Variants in USP34 observed in about 807,000 individuals in gnomAD.
USP34 encodes the protein ubiquitin carboxyl-terminal hydrolase 34.
In USP34, 70 loss-of-function variants were observed where a neutral mutation model predicts 460.3. The ratio of observed to expected loss-of-function variants is 0.15; its 90% CI spans 0.13 to 0.19. USP34 has a LOEUF of 0.19. USP34 is among the 10% of genes least tolerant of loss of function. The pLI, the probability that USP34 is intolerant of heterozygous loss-of-function variation, is 1.00. For missense variants in USP34, 3,985 were observed against 4,236.2 expected (o/e 0.94, Z 1.65); for synonymous variants, 1,647 against 1,405.3 (o/e 1.17, Z -3.85).
At position 61,300,969 on chromosome 2, in the gene USP34, C is replaced by A; in HGVS notation, c.4110G>T (p.Val1370=). ...TAGTCACCTCACTATCATCCACTGC[C>A]ACTTTTCCTGAGGGTGGTTTAAATG... ...LASFKPPSGK[V]AVDDSESLRC... The change falls in exon 29 of 80, where the codon GTG becomes GTT. Residue 1370 remains valine, a synonymous_variant. Transcript: ENST00000398571. 6.2e-7 allele frequency: 1 copy of A among 1,611,992 alleles called. No homozygotes were observed. Among genetic ancestry groups the A allele is most frequent in the Non-Finnish European group, 8.5e-7 (1 of 1,179,186 alleles).
chr2:61,384,487 T>C (rs1693077437), intron 5 of USP34, among the ~76,000 whole-genome samples: 1 of 151,888 alleles, frequency 6.6e-6, no homozygotes, highest in South Asian at 2.1e-4. Context: ...CTGGGCAACA[T>C]GGCTGAAACC....
intron 62 of USP34, among the ~76,000 whole-genome samples, chr2:61,226,611 T>G (rs998144719): frequency 1.3e-5 from 2 of 152,214 alleles, no homozygotes; most frequent in African/African-American, 4.8e-5. Flanking sequence ...GCTATATTCT[T>G]TTGAATGGAT....
chr2:61,470,698 G>A lies in USP34; in HGVS notation c.-6C>T. On this transcript the variant is annotated 5_prime_UTR_variant, in exon 1 of 80. Transcript: ENST00000398571. ...TCTGCGCAGTTCTCGCACATCGTTC[G>A]GCCGCCGCCCCCCCCCTCCCCCGCT... 1 of 1,591,164 alleles carries A rather than the reference G, an allele frequency of 6.3e-7. No homozygotes were observed. Among genetic ancestry groups the A allele is most frequent in the Non-Finnish European group, 8.6e-7 (1 of 1,169,232 alleles).
intron 38 of USP34, among the ~76,000 whole-genome samples, chr2:61,280,588 T>C (rs1190588734): frequency 6.6e-6 from 1 of 152,094 alleles, no homozygotes; most frequent in Admixed American, 6.5e-5. Flanking sequence ...TTAAAAAAGA[T>C]ATGAACAGGG....
At chr2:61,316,703 G>A (rs571650374) in intron 23 of USP34, among the ~76,000 whole-genome samples, 6 of 152,002 alleles carry the variant, frequency 3.9e-5, no homozygotes, top group Non-Finnish European at 7.4e-5. Context: ...CCGCCAACAT[G>A]GTGAAACCCC....
intron 27 of USP34, among the ~76,000 whole-genome samples, chr2:61,305,422 C>A (rs1383342169): frequency 6.6e-6 from 1 of 151,900 alleles, no homozygotes; most frequent in African/African-American, 2.4e-5. Context: ...TGATGAACAG[C>A]AAGCCCCGAA....
chr2:61,267,548 T>C (rs1218628712), intron 41 of USP34, among the ~76,000 whole-genome samples: 2 of 151,906 alleles, frequency 1.3e-5, no homozygotes, highest in Admixed American at 6.6e-5. Context: ...GTTCGAGCGA[T>C]TCTCCTGCCT....
At chr2:61,467,022 T>C (rs1406930188) in intron 1 of USP34, among the ~76,000 whole-genome samples, 1 of 152,260 alleles carries the variant, frequency 6.6e-6, no homozygotes, top group Non-Finnish European at 1.5e-5. Context: ...GACAGCAGTC[T>C]TGGCCAGGCG....
At chr2:61,403,378 A>T (rs1273158320) in intron 3 of USP34, among the ~76,000 whole-genome samples, 1 of 152,110 alleles carries the variant, frequency 6.6e-6, no homozygotes, top group Non-Finnish European at 1.5e-5. Flanking sequence ...ATTGGAAAAA[A>T]TTTCTGTGAA....
chr2:61,405,784 A>T lies in USP34; in HGVS notation c.476T>A (p.Leu159Gln). ...AATTTGAAAAATTTTTGCCACACAT[A>T]GTAAGAGTTTTTCCTTCTCATCTGT... ...WSTDEKEKLL[L>Q]CVAKIFQIQF... is the part of the protein sequence containing the mutation. Residue 159 changes from leucine to glutamine, a missense_variant, in exon 3 of 80, where the codon CTA (leucine) becomes CAA (glutamine). By Grantham distance (113) the Leu-to-Gln change is moderately radical. Coordinates refer to ENST00000398571, the MANE Select transcript of USP34 (RefSeq NM_014709.4). 1.2e-6 allele frequency: 2 copies of T among 1,608,672 alleles called. No homozygotes were observed. The highest frequency in any genetic ancestry group is 2.2e-5 in the South Asian group (2 of 89,702).
chr2:61,243,995 G>C (rs1285163572), intron 51 of USP34, among the ~76,000 whole-genome samples: 1 of 151,886 alleles, frequency 6.6e-6, no homozygotes, highest in Non-Finnish European at 1.5e-5. Context: ...CAAGTGGACT[G>C]CTTTTCTTTT....
intron 48 of USP34, among the ~76,000 whole-genome samples, chr2:61,249,547 T>A (rs149087425): frequency 1.1e-4 from 17 of 152,272 alleles, no homozygotes; most frequent in Non-Finnish European, 2.5e-4. Context: ...GAAGGGAGAC[T>A]ATAGAAGTAT....
At chr2:61,230,151 C>G (rs1687849676) in intron 58 of USP34, among the ~76,000 whole-genome samples, 1 of 152,100 alleles carries the variant, frequency 6.6e-6, no homozygotes, top group Admixed American at 6.5e-5. Flanking sequence ...AAATAAAAGA[C>G]AGTATCAGCT....
At chr2:61,240,855 T>G (rs938459879) in intron 53 of USP34, among the ~76,000 whole-genome samples, 1 of 152,186 alleles carries the variant, frequency 6.6e-6, no homozygotes, top group Non-Finnish European at 1.5e-5. Context: ...ATTATAGGCA[T>G]GAGCCACTGC....
intron 2 of USP34, among the ~76,000 whole-genome samples, chr2:61,413,984 T>A (rs1321177419): frequency 2.0e-5 from 3 of 148,772 alleles, no homozygotes. Flanking sequence ...AGAGGCCGAG[T>A]GAGTGGCTCA....
chr2:61,339,684 G>T lies in USP34; in HGVS notation c.2501-3C>A. Reference sequence around the variant, plus strand: ...TTGATGTTTATGAACTACAGGTCCTGAAGAGAAAAAAAAAAAAAAGACACA... The same window carrying T: ...TTGATGTTTATGAACTACAGGTCCTTAAGAGAAAAAAAAAAAAAAGACACA... On this transcript the variant is annotated splice_polypyrimidine_tract_variant and splice_region_variant and intron_variant, in intron 16 of 79. Transcript: ENST00000398571. 4.4e-6 allele frequency: 6 copies of T among 1,349,806 alleles called. No homozygotes were observed. Among genetic ancestry groups the T allele is most frequent in the African/African-American group, 1.5e-5 (1 of 64,942 alleles). 83.6% of individuals were successfully genotyped at this position (1,349,806 alleles called of 1,614,324 possible).
intron 2 of USP34, among the ~76,000 whole-genome samples, chr2:61,410,792 A>C (rs952814712): frequency 6.6e-6 from 1 of 152,222 alleles, no homozygotes; most frequent in African/African-American, 2.4e-5. Flanking sequence ...AAAAATAGTA[A>C]GTAATTCAGA....
chr2:61,362,868 T>C (rs953608530), intron 10 of USP34, among the ~76,000 whole-genome samples: 3 of 152,346 alleles, frequency 2.0e-5, no homozygotes, highest in African/African-American at 7.2e-5. Flanking sequence ...AAATACATAA[T>C]TTTTATATTT....
chr2:61,342,502 G>A (rs1691637172), intron 16 of USP34, among the ~76,000 whole-genome samples: 1 of 151,588 alleles, frequency 6.6e-6, no homozygotes, highest in South Asian at 2.1e-4. Flanking sequence ...AGTAGGGATG[G>A]GGTTTCACCA....
Sources: gnomAD v4.1 joint callset for allele counts (sites outside exome capture counted in the v4.1 genomes callset) on GRCh38, gnomAD v4.1.1 for gene constraint, MANE v1.5 for transcripts, NCBI Gene and HGNC (gene_info 2026-07-23, HGNC 2026-07-21) for gene names.